The following PRKDC variants were observed in gnomAD, a reference collection of about 807,000 sequenced individuals.
PRKDC encodes the protein DNA-dependent protein kinase catalytic subunit.
Under a neutral mutation model 486.9 loss-of-function variants are expected in PRKDC, and 82 were observed. The ratio of observed to expected loss-of-function variants is 0.17; its 90% CI spans 0.14 to 0.20. The LOEUF (loss-of-function observed/expected upper bound fraction) is 0.20. PRKDC is among the 10% of genes least tolerant of loss of function. PRKDC has a pLI of 1.00. For synonymous variants in PRKDC, 1,895 were observed against 1,837.0 expected (o/e 1.03, Z -0.81); for missense variants, 4,504 against 5,038.2 (o/e 0.89, Z 3.21).
chr8:47,854,589 C>G (rs1213900029), intron 50 of PRKDC, among the ~76,000 whole-genome samples: 1 of 152,026 alleles, frequency 6.6e-6, no homozygotes, highest in Non-Finnish European at 1.5e-5. Context: ...ATCCGCCCGC[C>G]TCGGCCTCCC....
chr8:47,893,106 G>T, intron 31 of PRKDC, 33 bp downstream of exon 31: 1 of 1,529,446 alleles, frequency 6.5e-7, no homozygotes, highest in South Asian at 1.3e-5. Context: ...CTGGCAGCAC[G>T]ACACACACCA....
intron 54 of PRKDC, among the ~76,000 whole-genome samples, chr8:47,845,918 G>GA (rs1394839363): frequency 6.6e-6 from 1 of 152,104 alleles, no homozygotes; most frequent in Non-Finnish European, 1.5e-5. Context: ...GAACACAGAT[G>GA]AAAAAATCCT....
At chr8:47,873,187 G>A (rs2088997519) in intron 40 of PRKDC, among the ~76,000 whole-genome samples, 1 of 146,988 alleles carries the variant, frequency 6.8e-6, no homozygotes, top group Non-Finnish European at 1.5e-5. Context: ...CTCACTGTTA[G>A]GTATACACAC....
rs1054042388 is a variant in PRKDC, at chr8:47,783,798, C to T, written c.11119G>A (p.Gly3707Ser). The change falls in exon 78 of 86, where the codon GGT becomes AGT. Residue 3707 changes from glycine (G) to serine (S), a missense_variant. This residue lies in a region of PRKDC where 706 missense variants were observed against 945.0 expected (regional missense o/e 0.75). Coordinates refer to ENST00000314191, the MANE Select transcript of PRKDC (RefSeq NM_006904.7). ...NELEIPGQYDGRGKPLPEYHV... is the reference protein window; with the variant it reads ...NELEIPGQYDSRGKPLPEYHV... ...TACTCTGGCAATGGCTTTCCCCTAC[C>T]GTCATACTGACCTAAAACAAACCAG... 4 of 1,613,766 alleles carry T rather than the reference C, an allele frequency of 2.5e-6. No homozygotes were observed. Among genetic ancestry groups the T allele is most frequent in the African/African-American group, 1.3e-5 (1 of 74,872 alleles).
chr8:47,924,091 A>G (rs2090117969), intron 21 of PRKDC, among the ~76,000 whole-genome samples: 1 of 152,202 alleles, frequency 6.6e-6, no homozygotes. Context: ...ACGTTTCTAA[A>G]GTTATTTATT....
Position 47,782,710 on chromosome 8 carries a change from G to T in PRKDC, c.11176-112C>A. ...TCCGTGGGGCCGCCCTCTGAAGACAGTGCCAAAGAGCAGAGCGCCCAGGCC... is the reference window on the plus strand; with the variant it reads ...TCCGTGGGGCCGCCCTCTGAAGACATTGCCAAAGAGCAGAGCGCCCAGGCC... On this transcript the variant is annotated intron_variant, in intron 78 of 85. Transcript: ENST00000314191. The surrounding 1 kb of genome is among the most constrained non-coding windows in gnomAD (Gnocchi z 4.9). 1 of 1,215,176 alleles carries T rather than the reference G, an allele frequency of 8.2e-7. No individual in the cohort carries two copies. The highest frequency in any genetic ancestry group is 1.1e-6 in the Non-Finnish European group (1 of 875,462). 75.3% of individuals were successfully genotyped at this position (1,215,176 alleles called of 1,614,324 possible). A position where few individuals can be genotyped will look rare whatever the true frequency, so the allele number is the denominator to read the frequency against.
In PRKDC at chr8:47,918,246, T is replaced by C. The variant is rs553766834; in HGVS notation, c.2526+31A>G. ...GTTAGAATCTGATCTCTGCATTATG[T>C]AAGGTACAGAAAATACAAAGGACTT... On this transcript the variant is annotated intron_variant, in intron 22 of 85. Coordinates refer to ENST00000314191, the MANE Select transcript of PRKDC (RefSeq NM_006904.7). 32 of 1,409,912 alleles carry C rather than the reference T, an allele frequency of 2.3e-5. No homozygotes were observed. The East Asian group carries it at 7.5e-4, about 33-fold the overall frequency. The allele number at this position is 1,409,912 out of a possible 1,614,324, so 87.3% of individuals were successfully genotyped here.
At chr8:47,948,917 A>G (rs1448032520) in intron 7 of PRKDC, among the ~76,000 whole-genome samples, 1 of 152,266 alleles carries the variant, frequency 6.6e-6, no homozygotes, top group Non-Finnish European at 1.5e-5. Context: ...TAGTGTTGCC[A>G]TAACAACTTA....
intron 40 of PRKDC, 177 bp from the exon 41 acceptor site, chr8:47,864,940 T>C: frequency 1.9e-6 from 1 of 513,220 alleles, no homozygotes; most frequent in Non-Finnish European, 3.3e-6. Context: ...TGAACCATAC[T>C]ACTTTTATCC....
At chr8:47,885,182 G>A (rs116762521) in intron 36 of PRKDC, among the ~76,000 whole-genome samples, 1,532 of 152,198 alleles carry the variant, frequency 0.01, 28 homozygotes, top group African/African-American at 0.034. Flanking sequence ...ACAGAGTCTC[G>A]CTTCATTACT....
At chr8:47,789,385 CATAT>C in intron 74 of PRKDC, 147 bp from the exon 75 acceptor site, 1 of 229,372 alleles carries the variant, frequency 4.4e-6, no homozygotes, top group Non-Finnish European at 8.0e-6. Flanking sequence ...TTATACATAT[CATAT>C]ATATATAACC....
chr8:47,938,428 AAAG>A (rs2090389845), intron 11 of PRKDC, among the ~76,000 whole-genome samples: 1 of 150,042 alleles, frequency 6.7e-6, no homozygotes, highest in African/African-American at 2.4e-5. Flanking sequence ...TAAAAAAAAA[AAAG>A]AAAGAAAAAA....
At chr8:47,952,690 A>G (rs2090644881) in intron 7 of PRKDC, among the ~76,000 whole-genome samples, 1 of 151,228 alleles carries the variant, frequency 6.6e-6, no homozygotes, top group Non-Finnish European at 1.5e-5. Context: ...ACCCTGTCTC[A>G]ATTATAAAAA....
chr8:47,864,514 T>A, intron 41 of PRKDC, 42 bp downstream of exon 41: 1 of 1,537,360 alleles, frequency 6.5e-7, no homozygotes, highest in Non-Finnish European at 8.8e-7. Flanking sequence ...ACCAGTCAAG[T>A]AGGCTGCTCA....
At position 47,854,063 on chromosome 8, in the gene PRKDC, AT is replaced by A. The variant is rs2088478622; in HGVS notation, c.6893+19del. ...AGTTTGGGTAGACGTGACCTAAAAA[AT>A]AATCAAGCAAACACGTACTCGCTAC... On this transcript the variant is annotated intron_variant, in intron 51 of 85. Coordinates refer to ENST00000314191, the MANE Select transcript of PRKDC (RefSeq NM_006904.7). 6.2e-7 allele frequency: 1 copy of A among 1,612,984 alleles called. No homozygotes were observed. Among genetic ancestry groups the A allele is most frequent in the Non-Finnish European group, 8.5e-7 (1 of 1,179,470 alleles).
chr8:47,898,915 C>T (rs2089631758), intron 28 of PRKDC, among the ~76,000 whole-genome samples: 1 of 152,226 alleles, frequency 6.6e-6, no homozygotes, highest in Admixed American at 6.5e-5. Context: ...ATGGAAGAGA[C>T]TTTGCAGGTA....
chr8:47,828,071 A>G, intron 62 of PRKDC, 97 bp downstream of exon 62: 1 of 1,196,590 alleles, frequency 8.4e-7, no homozygotes, highest in South Asian at 1.6e-5. Context: ...ACACCAGGTT[A>G]TCAAGAGTCT....
chr8:47,921,346 A>T (rs549037475), intron 21 of PRKDC, among the ~76,000 whole-genome samples: 8 of 152,292 alleles, frequency 5.3e-5, no homozygotes, highest in African/African-American at 1.9e-4. Flanking sequence ...TTCCCAAGTA[A>T]TTACGTTGTG....
At chr8:47,810,619 G>A (rs2087306207) in intron 68 of PRKDC, among the ~76,000 whole-genome samples, 1 of 152,084 alleles carries the variant, frequency 6.6e-6, no homozygotes, top group South Asian at 2.1e-4. Context: ...CCCATATGCT[G>A]GAATGATCAT....
Sources: allele counts gnomAD v4.1 joint callset (sites outside exome capture counted in the v4.1 genomes callset), GRCh38; gene constraint gnomAD v4.1.1; regional missense constraint gnomAD v4.1.1; non-coding constraint Gnocchi (gnomAD v3.1); transcripts MANE v1.5; gene names NCBI Gene and HGNC (gene_info 2026-07-23, HGNC 2026-07-21).